Variants in DNAH2 observed in about 807,000 individuals in gnomAD.
DNAH2 encodes the protein dynein axonemal heavy chain 2, also known as axonemal beta dynein heavy chain 2.
DNAH2 carries 323 observed loss-of-function variants against 523.5 expected under a neutral mutation model. The ratio of observed to expected loss-of-function variants is 0.62; its 90% CI spans 0.56 to 0.68. The LOEUF (loss-of-function observed/expected upper bound fraction) is 0.68, where lower values mean the gene tolerates loss of function less well. DNAH2 is among the 30% of genes least tolerant of loss of function. The pLI, the probability that DNAH2 is intolerant of heterozygous loss-of-function variation, is 0.00. For synonymous variants in DNAH2, 2,093 were observed against 2,177.4 expected (o/e 0.96, Z 1.08); for missense variants, 4,907 against 5,701.5 (o/e 0.86, Z 4.49).
Position 7,788,777 on chromosome 17 carries a change from G to A in DNAH2, c.6900+533G>A, listed in dbSNP as rs188767964. ...ATAAATGGTTTGTATTGTTTTTAAA[G>A]ATGTTGCTAGGTAATTAAACTATTA... is the stretch of plus-strand genomic sequence containing the variant. On this transcript the variant is annotated intron_variant, in intron 44 of 85. Coordinates refer to ENST00000572933, the MANE Select transcript of DNAH2 (RefSeq NM_020877.5). 3.2e-4 allele frequency among the ~76,000 whole-genome samples: 48 copies of A among 152,312 alleles called. 1 individual carries two copies. Among genetic ancestry groups the A allele is most frequent in the Admixed American group, 2.1e-3 (32 of 15,294 alleles).
In DNAH2 at chr17:7,773,244, C is replaced by T. The variant is rs538608159; in HGVS notation, c.4502-1515C>T. Among the ~76,000 whole-genome samples the T allele has an allele frequency of 1.8e-4, 27 of 152,292 alleles. 1 individual carries two copies. The South Asian group carries it at 5.6e-3, about 32-fold the overall frequency. The stretch of plus-strand genomic sequence containing the variant: ...ATGACATGAAGGACATTGGCAACCC[C>T]AGTCCTTGCAGATTTCTTTCACTGT... On this transcript the variant is annotated intron_variant, in intron 28 of 85. Coordinates refer to ENST00000572933, the MANE Select transcript of DNAH2 (RefSeq NM_020877.5).
At chr17:7,777,340 G>A (rs1274673306) in intron 32 of DNAH2, 106 bp from the exon 33 acceptor site, 1 of 1,222,932 alleles carries the variant, frequency 8.2e-7, no homozygotes, top group Non-Finnish European at 1.2e-6. Context: ...GTTACAGCAG[G>A]TGGGGTCAGC....
chr17:7,799,643 C>T (rs1281815256), intron 56 of DNAH2, among the ~76,000 whole-genome samples: 1 of 152,050 alleles, frequency 6.6e-6, no homozygotes, highest in Admixed American at 6.6e-5. Flanking sequence ...GGTGAAACCC[C>T]GTCTCTACTA....
intron 7 of DNAH2, among the ~76,000 whole-genome samples, chr17:7,735,546 C>T (rs1249915192): frequency 1.3e-5 from 2 of 152,142 alleles, no homozygotes; most frequent in East Asian, 1.9e-4. Flanking sequence ...TCAAGGGATC[C>T]TCCCACATCA....
chr17:7,744,335 T>G (rs1380479152), intron 12 of DNAH2, among the ~76,000 whole-genome samples: 2 of 136,220 alleles, frequency 1.5e-5, no homozygotes, highest in Admixed American at 7.5e-5. Context: ...TGGGGCCAAA[T>G]GTAGGAGGGG....
In DNAH2 at chr17:7,733,300, T is replaced by C; in HGVS notation, c.613T>C (p.Leu205=). ...TTTTGCTTCTCATCTGCACAAGTTCTTGGCCTGCCTGACAGGTAAGTGGGA... is the reference window on the plus strand; with the variant it reads ...TTTTGCTTCTCATCTGCACAAGTTCCTGGCCTGCCTGACAGGTAAGTGGGA... The part of the protein sequence containing the change: ...NHFASHLHKF[L]ACLTDTRYKL... The change falls in exon 5 of 86, where the codon TTG becomes CTG. Residue 205 remains leucine, a synonymous_variant. Transcript: ENST00000572933. The C allele has an allele frequency of 6.2e-7, 1 of 1,614,074 alleles. No individual in the cohort carries two copies. The highest frequency in any genetic ancestry group is 8.5e-7 in the Non-Finnish European group (1 of 1,180,020).
At chr17:7,820,905 G>A (rs189645745) in intron 72 of DNAH2, among the ~76,000 whole-genome samples, 2 of 152,256 alleles carry the variant, frequency 1.3e-5, no homozygotes, top group Non-Finnish European at 2.9e-5. Context: ...CAGGCGTGGT[G>A]ATGGGCTCCT....
At chr17:7,720,192 T>A (rs2074557261) in intron 2 of DNAH2, among the ~76,000 whole-genome samples, 1 of 152,208 alleles carries the variant, frequency 6.6e-6, no homozygotes, top group Non-Finnish European at 1.5e-5. Flanking sequence ...TTTCAAGTGT[T>A]CCTGGTTGCT....
chr17:7,721,949 C>T (rs999172605), intron 2 of DNAH2, among the ~76,000 whole-genome samples: 4 of 152,150 alleles, frequency 2.6e-5, no homozygotes, highest in South Asian at 2.1e-4. Context: ...CTGGAATAAC[C>T]TCAGTACTAA....
rs763203600 is a variant in DNAH2 at position 7,757,132 on chromosome 17, G to A, written c.1946G>A (p.Arg649Gln). 3.1e-6 allele frequency: 5 copies of A among 1,614,140 alleles called. No individual in the cohort carries two copies. Among genetic ancestry groups the A allele is most frequent in the Non-Finnish European group, 3.4e-6 (4 of 1,180,016 alleles). ...ILFAEIDYWE[R>Q]LLFETPHYVV... ...TTTGCGGAAATTGACTACTGGGAGC[G>A]GCTGCTGTTTGAGACGCCCCATTAC... Residue 649 changes from arginine to glutamine, a missense_variant, in exon 13 of 86, where the codon CGG (arginine) becomes CAG (glutamine). By Grantham distance (43) the Arg-to-Gln change is conservative (BLOSUM62 1). Transcript: ENST00000572933.
chr17:7,723,819 C>G (rs1224477029), intron 3 of DNAH2, 130 bp downstream of exon 3: 3 of 808,382 alleles, frequency 3.7e-6, no homozygotes. Flanking sequence ...TGCTGTTAGC[C>G]TACTCACCAC....
intron 42 of DNAH2, chr17:7,787,581 C>G (rs1466410250): frequency 3.1e-6 from 1 of 320,094 alleles, no homozygotes. Flanking sequence ...CTAAAAAATA[C>G]AAAAGTTAGC....
At chr17:7,723,111 AG>A (rs2074675023) in intron 2 of DNAH2, among the ~76,000 whole-genome samples, 1 of 150,652 alleles carries the variant, frequency 6.6e-6, no homozygotes, top group Non-Finnish European at 1.5e-5. Flanking sequence ...CTGGGACTAC[AG>A]GCTCCCACCA....
rs767439997 is a variant in DNAH2 at position 7,758,912 on chromosome 17, G to T, written c.2236G>T (p.Ala746Ser). ...KVQMIVNEFK[A>S]STLTIGWRAQ... Reference sequence around the variant, plus strand: ...GCAGATGATTGTGAATGAGTTCAAGGCATCCACTCTGACCATTGGCTGGCG... The same window carrying T: ...GCAGATGATTGTGAATGAGTTCAAGTCATCCACTCTGACCATTGGCTGGCG... The change falls in exon 15 of 86, where the codon GCA (alanine) becomes TCA (serine). Residue 746 changes from alanine (A) to serine (S), a missense_variant. Ala to Ser is a moderately conservative substitution (Grantham distance 99, BLOSUM62 1). Coordinates refer to ENST00000572933, the MANE Select transcript of DNAH2 (RefSeq NM_020877.5). 3 of 1,613,996 alleles carry T rather than the reference G, an allele frequency of 1.9e-6. No homozygotes were observed. Among genetic ancestry groups the T allele is most frequent in the African/African-American group, 2.7e-5 (2 of 74,904 alleles).
At chr17:7,755,026 G>T (rs571578508) in intron 12 of DNAH2, 4 of 359,926 alleles carry the variant, frequency 1.1e-5, no homozygotes, top group African/African-American at 8.3e-5. Context: ...GTGGGAGGAG[G>T]GACTGTCCTA....
At chr17:7,737,706 C>T (rs2075181426) in intron 8 of DNAH2, among the ~76,000 whole-genome samples, 1 of 152,172 alleles carries the variant, frequency 6.6e-6, no homozygotes, top group Non-Finnish European at 1.5e-5. Flanking sequence ...GGAGAAGGGA[C>T]ACTGAGCTGA....
At chr17:7,823,314 C>T (rs2077914039) in intron 73 of DNAH2, 128 bp from the exon 74 acceptor site, 2 of 904,128 alleles carry the variant, frequency 2.2e-6, no homozygotes, top group Non-Finnish European at 3.3e-6. Flanking sequence ...AAAAAAATTC[C>T]ATTTGGTTTT....
At chr17:7,729,194 C>T (rs976349761) in intron 4 of DNAH2, among the ~76,000 whole-genome samples, 6 of 151,902 alleles carry the variant, frequency 3.9e-5, no homozygotes, top group African/African-American at 1.5e-4. Context: ...AAAACATATG[C>T]ACTGAGTCAA....
chr17:7,833,685 C>T lies in DNAH2; in HGVS notation c.*152C>T, dbSNP rs1227668494. ...CCCTGGAGATACCTAGTTGTGTTAGCCATAAAAGTGAAAGAGTTGTATTGG... is the reference window on the plus strand; with the variant it reads ...CCCTGGAGATACCTAGTTGTGTTAGTCATAAAAGTGAAAGAGTTGTATTGG... On this transcript the variant is annotated 3_prime_UTR_variant, in exon 86 of 86. Coordinates refer to ENST00000572933, the MANE Select transcript of DNAH2 (RefSeq NM_020877.5). 1.1e-5 allele frequency: 12 copies of T among 1,069,748 alleles called. No homozygotes were observed. Among genetic ancestry groups the T allele is most frequent in the Non-Finnish European group, 1.7e-5 (12 of 721,104 alleles). The allele number at this position is 1,069,748 out of a possible 1,614,324, so 66.3% of individuals were successfully genotyped here.
Sources: allele counts gnomAD v4.1 joint callset (sites outside exome capture counted in the v4.1 genomes callset), GRCh38; gene constraint gnomAD v4.1.1; transcripts MANE v1.5; gene names NCBI Gene and HGNC (gene_info 2026-07-23, HGNC 2026-07-21).